The following EYS variants were observed in gnomAD, a reference collection of about 807,000 sequenced individuals.
EYS encodes the protein EGF-like photoreceptor maintenance factor, also known as protein eyes shut homolog.
A neutral mutation model predicts 282.1 loss-of-function variants in EYS; 250 were observed. That is an observed-to-expected ratio of 0.89 (90% CI 0.80 to 0.98). The LOEUF (loss-of-function observed/expected upper bound fraction) is 0.98. Ranked by LOEUF, EYS falls within the 50% of genes least tolerant of loss-of-function variation. The pLI, the probability that EYS is intolerant of heterozygous loss-of-function variation, is 0.00. For synonymous variants in EYS, 1,355 were observed against 1,282.9 expected, an observed-to-expected ratio of 1.06 and a Z score of -1.20; for missense variants, 4,016 against 3,709.0, an observed-to-expected ratio of 1.08 and a Z score of -2.15.
intron 13 of EYS, among the ~76,000 whole-genome samples, chr6:65,029,885 C>A (rs910699491): frequency 6.6e-6 from 1 of 152,158 alleles, no homozygotes; most frequent in Non-Finnish European, 1.5e-5. Flanking sequence ...GGGACGCATT[C>A]CTGGTGCCAG....
chr6:65,163,419 T>C (rs908396137), intron 12 of EYS, among the ~76,000 whole-genome samples: 1 of 151,272 alleles, frequency 6.6e-6, no homozygotes, highest in Non-Finnish European at 1.5e-5. Context: ...TGTCCATATG[T>C]TTCTTACATG....
At chr6:64,134,110 G>T (rs1215989848) in intron 31 of EYS, among the ~76,000 whole-genome samples, 1 of 152,082 alleles carries the variant, frequency 6.6e-6, no homozygotes, top group African/African-American at 2.4e-5. Flanking sequence ...ACCTAACAAA[G>T]TGTGAGATTT....
At chr6:64,951,533 A>G (rs1769509600) in intron 14 of EYS, among the ~76,000 whole-genome samples, 2 of 152,058 alleles carry the variant, frequency 1.3e-5, no homozygotes, top group African/African-American at 4.8e-5. Flanking sequence ...ACAAACTGAC[A>G]GTAGAAATAT....
intron 36 of EYS, among the ~76,000 whole-genome samples, chr6:63,853,830 CA>C (rs1193597566): frequency 6.6e-6 from 1 of 152,198 alleles, no homozygotes; most frequent in East Asian, 1.9e-4. Flanking sequence ...TATTACACCA[CA>C]GATGTATAAC....
intron 30 of EYS, among the ~76,000 whole-genome samples, chr6:64,237,238 T>C (rs767058668): frequency 6.6e-6 from 1 of 152,198 alleles, no homozygotes; most frequent in Non-Finnish European, 1.5e-5. Flanking sequence ...AAATTAAAAG[T>C]AGTTTTCTGA....
intron 2 of EYS, among the ~76,000 whole-genome samples, chr6:65,634,507 C>A (rs954902878): frequency 1.3e-5 from 2 of 152,106 alleles, no homozygotes; most frequent in African/African-American, 4.8e-5. Flanking sequence ...CATGAATATA[C>A]AGTGTTTATG....
At chr6:65,310,996 T>C (rs1416046031) in intron 11 of EYS, among the ~76,000 whole-genome samples, 1 of 152,156 alleles carries the variant, frequency 6.6e-6, no homozygotes, top group Admixed American at 6.5e-5. Context: ...TCCAAGCACA[T>C]AATCGATACC....
chr6:64,011,283 C>T (rs946641193), intron 33 of EYS, among the ~76,000 whole-genome samples: 2 of 152,040 alleles, frequency 1.3e-5, no homozygotes, highest in Non-Finnish European at 2.9e-5. Context: ...GTCATCTTGA[C>T]CCGAAATCCC....
At chr6:64,629,105 G>T (rs1387345012) in intron 22 of EYS, among the ~76,000 whole-genome samples, 1 of 152,124 alleles carries the variant, frequency 6.6e-6, no homozygotes, top group Non-Finnish European at 1.5e-5. Context: ...CCTTTAGACT[G>T]TAATATTTTC....
At chr6:64,330,082 G>C (rs895560186) in intron 29 of EYS, among the ~76,000 whole-genome samples, 23 of 152,134 alleles carry the variant, frequency 1.5e-4, no homozygotes, top group African/African-American at 5.3e-4. Flanking sequence ...GCCGTGTCCT[G>C]TTGCAGTATA....
chr6:65,168,882 A>T (rs1039676619), intron 12 of EYS, among the ~76,000 whole-genome samples: 2 of 151,292 alleles, frequency 1.3e-5, no homozygotes, highest in Non-Finnish European at 3.0e-5. Context: ...AACTTTTTCA[A>T]AATTGGCCAA....
intron 8 of EYS, among the ~76,000 whole-genome samples, chr6:65,361,538 T>A (rs1764710355): frequency 6.6e-6 from 1 of 150,950 alleles, no homozygotes; most frequent in African/African-American, 2.4e-5. Context: ...TGGAATGCAG[T>A]AGTGCTATCT....
intron 31 of EYS, among the ~76,000 whole-genome samples, chr6:64,106,989 A>T (rs1773036191): frequency 6.6e-6 from 1 of 150,840 alleles, no homozygotes; most frequent in South Asian, 2.1e-4. Flanking sequence ...CATTTTTGTT[A>T]TAGTATTTTT....
At chr6:64,343,547 C>T (rs1771226670) in intron 29 of EYS, among the ~76,000 whole-genome samples, 1 of 152,114 alleles carries the variant, frequency 6.6e-6, no homozygotes, top group Admixed American at 6.6e-5. Context: ...CTCTGGGACA[C>T]ATTCAAAGCA....
chr6:64,707,545 TG>T (rs2149931255), intron 22 of EYS, among the ~76,000 whole-genome samples: 1 of 151,700 alleles, frequency 6.6e-6, no homozygotes, highest in African/African-American at 2.4e-5. Context: ...GGCGGGCGCC[TG>T]TAGTCCCAGC....
chr6:64,388,538 T>C (rs1243002330), intron 29 of EYS, among the ~76,000 whole-genome samples, 152 bp downstream of exon 29: 1 of 152,140 alleles, frequency 6.6e-6, no homozygotes, highest in Non-Finnish European at 1.5e-5. Context: ...AATATATATG[T>C]TAGTAGAGTC....
intron 5 of EYS, among the ~76,000 whole-genome samples, chr6:65,488,737 C>T (rs1278134558): frequency 6.6e-6 from 1 of 152,066 alleles, no homozygotes; most frequent in East Asian, 1.9e-4. Context: ...TACTACAAGG[C>T]TACAGTAACC....
At chr6:65,280,411 A>T (rs1768184669) in intron 12 of EYS, among the ~76,000 whole-genome samples, 1 of 152,166 alleles carries the variant, frequency 6.6e-6, no homozygotes, top group Non-Finnish European at 1.5e-5. Flanking sequence ...GTATATTTTC[A>T]AGATATAATA....
At chr6:63,868,900 T>G (rs1395185462) in intron 35 of EYS, among the ~76,000 whole-genome samples, 1 of 152,212 alleles carries the variant, frequency 6.6e-6, no homozygotes, top group Non-Finnish European at 1.5e-5. Flanking sequence ...TGTCTGTTTC[T>G]AGGACAGAAC....
Sources: allele counts gnomAD v4.1 joint callset (sites outside exome capture counted in the v4.1 genomes callset), GRCh38; gene constraint gnomAD v4.1.1; transcripts MANE v1.5; gene names NCBI Gene and HGNC (gene_info 2026-07-23, HGNC 2026-07-21).